RHOA: variants seen among roughly 807,000 people sequenced by gnomAD.
The protein encoded by RHOA is ras homolog family member A, also known as transforming protein RhoA.
A neutral mutation model predicts 17.5 loss-of-function variants in RHOA; 3 were observed. That is an observed-to-expected ratio of 0.17 (90% CI 0.08 to 0.44). The LOEUF (loss-of-function observed/expected upper bound fraction) is 0.44. Among genes scored for constraint, RHOA ranks in the 20% least tolerant of loss-of-function variants. The probability of loss-of-function intolerance (pLI) is 0.99; values close to 1 mark genes in which losing one functional copy is unlikely to be tolerated. For missense variants in RHOA, 56 were observed against 242.3 expected, an observed-to-expected ratio of 0.23 and a Z score of 5.10; for synonymous variants, 98 against 88.4, an observed-to-expected ratio of 1.11 and a Z score of -0.61.
intron 1 of RHOA, among the ~76,000 whole-genome samples, chr3:49,404,792 G>A (rs943642896): frequency 6.7e-6 from 1 of 148,922 alleles, no homozygotes; most frequent in Non-Finnish European, 1.5e-5. Flanking sequence ...AAAAAAATTA[G>A]CCAGGCGTGG....
chr3:49,377,765 C>A (rs1032639108), intron 1 of RHOA, among the ~76,000 whole-genome samples: 2 of 151,852 alleles, frequency 1.3e-5, no homozygotes, highest in Admixed American at 6.6e-5. Flanking sequence ...CAGAGTGGAA[C>A]CTTGTCTCAA....
At chr3:49,394,605 C>T (rs1221613791) in intron 1 of RHOA, among the ~76,000 whole-genome samples, 1 of 152,048 alleles carries the variant, frequency 6.6e-6, no homozygotes, top group Non-Finnish European at 1.5e-5. Context: ...CCTGCCTCGG[C>T]CTCCCAAAAT....
chr3:49,404,458 A>ACACACACACACACACACACACAC (rs10527314), intron 1 of RHOA, among the ~76,000 whole-genome samples: 132 of 146,708 alleles, frequency 9.0e-4, no homozygotes, highest in South Asian at 2.3e-3. Flanking sequence ...ACACACACAC[A>ACACACACACACACACACACACAC]AAATTAGCCG....
At chr3:49,361,258 C>G (rs2047966565) in intron 4 of RHOA, among the ~76,000 whole-genome samples, 1 of 152,080 alleles carries the variant, frequency 6.6e-6, no homozygotes, top group Admixed American at 6.6e-5. Flanking sequence ...CAAAATTACT[C>G]AAGCTACCAA....
At chr3:49,407,122 G>C (rs931967056) in intron 1 of RHOA, among the ~76,000 whole-genome samples, 1 of 151,922 alleles carries the variant, frequency 6.6e-6, no homozygotes, top group Non-Finnish European at 1.5e-5. Flanking sequence ...CTCCAGCCTG[G>C]GTGACAGTGA....
intron 3 of RHOA, among the ~76,000 whole-genome samples, chr3:49,363,106 T>C (rs2047997442): frequency 6.6e-6 from 1 of 152,212 alleles, no homozygotes. Flanking sequence ...TGGGGTTTAC[T>C]GGTATTTCAA....
At chr3:49,387,759 A>T (rs1161965933) in intron 1 of RHOA, among the ~76,000 whole-genome samples, 1 of 151,714 alleles carries the variant, frequency 6.6e-6, no homozygotes, top group East Asian at 1.9e-4. Context: ...AAAACAAAAA[A>T]AAAAACCCTA....
rs776922636 is a variant in RHOA, at chr3:49,373,363, A to G, written c.156+2071T>C. 12 of 166,542 alleles carry G rather than the reference A, an allele frequency of 7.2e-5. No homozygotes were observed. The South Asian group carries it at 1.4e-3, about 19-fold the overall frequency. The allele number at this position is 166,542 out of a possible 1,614,324, so 10.3% of individuals were successfully genotyped here. A position where few individuals can be genotyped will look rare whatever the true frequency, so the allele number is the denominator to read the frequency against. ...TGTCTCTAGACAAACAAACAAAAACAAAGTAAGAAAGGAGAAAGGGGATGA... is the reference window on the plus strand; with the variant it reads ...TGTCTCTAGACAAACAAACAAAAACGAAGTAAGAAAGGAGAAAGGGGATGA... On this transcript the variant is annotated intron_variant, in intron 2 of 4. Transcript: ENST00000418115.
intron 1 of RHOA, among the ~76,000 whole-genome samples, chr3:49,375,948 A>C (rs921705871): frequency 2.6e-5 from 4 of 151,974 alleles, no homozygotes; most frequent in African/African-American, 9.7e-5. Context: ...TCCCGGGTTC[A>C]AGCAATTCTC....
chr3:49,407,914 C>T (rs1440238907), intron 1 of RHOA, among the ~76,000 whole-genome samples: 1 of 152,064 alleles, frequency 6.6e-6, no homozygotes, highest in Non-Finnish European at 1.5e-5. Flanking sequence ...GCAATCTCAA[C>T]ACTTTCAGAG....
intron 1 of RHOA, among the ~76,000 whole-genome samples, chr3:49,411,590 G>A (rs953902839): frequency 6.6e-6 from 1 of 151,876 alleles, no homozygotes; most frequent in Non-Finnish European, 1.5e-5. Context: ...GGCGGGGGAA[G>A]GGGCACAGGA....
chr3:49,398,957 T>C (rs1415243999), intron 1 of RHOA, among the ~76,000 whole-genome samples: 2 of 141,756 alleles, frequency 1.4e-5, no homozygotes, highest in East Asian at 4.1e-4. Flanking sequence ...TTTGGGAGAC[T>C]GAGACAGGAG....
chr3:49,396,407 C>G (rs1197855281), intron 1 of RHOA, among the ~76,000 whole-genome samples: 1 of 151,966 alleles, frequency 6.6e-6, no homozygotes, highest in Non-Finnish European at 1.5e-5. Flanking sequence ...GACCCTGACT[C>G]TACTAAAAAT....
chr3:49,384,817 T>C (rs985798598), intron 1 of RHOA, among the ~76,000 whole-genome samples: 1 of 151,968 alleles, frequency 6.6e-6, no homozygotes, highest in Non-Finnish European at 1.5e-5. Context: ...TCCAAGTACT[T>C]TGGGAGGCTC....
intron 1 of RHOA, among the ~76,000 whole-genome samples, chr3:49,393,252 G>A (rs1429639213): frequency 2.0e-5 from 3 of 152,006 alleles, no homozygotes; most frequent in South Asian, 4.2e-4. Context: ...TAGTCACTCT[G>A]CCACCTACTA....
intron 4 of RHOA, chr3:49,360,931 GGT>G: frequency 2.7e-6 from 1 of 372,616 alleles, no homozygotes; most frequent in South Asian, 1.8e-5. Flanking sequence ...AAATCACCTG[GGT>G]GTGGTAGTGG....
chr3:49,362,687 G>A, intron 3 of RHOA, 61 bp from the exon 4 acceptor site: 2 of 1,397,956 alleles, frequency 1.4e-6, no homozygotes, highest in Non-Finnish European at 2.0e-6. Flanking sequence ...GACTTTCCAA[G>A]AACCTCAGTG....
chr3:49,382,018 C>G (rs1401477867), intron 1 of RHOA, among the ~76,000 whole-genome samples: 1 of 151,260 alleles, frequency 6.6e-6, no homozygotes, highest in Non-Finnish European at 1.5e-5. Context: ...GACCCTATCT[C>G]ATAAAAATAA....
chr3:49,393,670 CTCTCTCTGTGTGTGTGTGTGTGTGTG>C lies in RHOA; in HGVS notation c.-2-18105_-2-18080del, dbSNP rs2048554277. On this transcript the variant is annotated intron_variant, in intron 1 of 4. Transcript: ENST00000418115. Reference sequence around the variant, plus strand: ...GACCACAGGTCCCTTGTCTCAAATTCTCTCTCTGTGTGTGTGTGTGTGTGTGTGTGTGTGTGTGTGTGTGTGTGTGT... The same window carrying C: ...GACCACAGGTCCCTTGTCTCAAATTCTGTGTGTGTGTGTGTGTGTGTGTGT... Among the ~76,000 whole-genome samples the C allele has an allele frequency of 1.1e-3, 106 of 97,266 alleles. 5 individuals carry two copies. The South Asian group carries it at 0.012, about 11-fold the overall frequency. 63.8% of individuals were successfully genotyped at this position (97,266 alleles called of 152,430 possible). A position where few individuals can be genotyped will look rare whatever the true frequency, so the allele number is the denominator to read the frequency against.
Sources: allele counts gnomAD v4.1 joint callset (sites outside exome capture counted in the v4.1 genomes callset), GRCh38; gene constraint gnomAD v4.1.1; transcripts MANE v1.5; gene names NCBI Gene and HGNC (gene_info 2026-07-23, HGNC 2026-07-21).